The following SDK1 variants were observed in gnomAD, a reference collection of about 807,000 sequenced individuals.
SDK1 encodes the protein sidekick cell adhesion molecule 1, also known as protein sidekick-1.
Under a neutral mutation model 245.5 loss-of-function variants are expected in SDK1, and 157 were observed. The ratio of observed to expected loss-of-function variants is 0.64; its 90% CI spans 0.56 to 0.73. SDK1 has a LOEUF of 0.73. Among genes scored for constraint, SDK1 ranks in the 30% least tolerant of loss-of-function variants. The pLI is 0.00. For synonymous variants in SDK1, 1,647 were observed against 1,278.5 expected, an observed-to-expected ratio of 1.29 and a Z score of -6.15; for missense variants, 3,583 against 3,002.3, an observed-to-expected ratio of 1.19 and a Z score of -4.52.
intron 4 of SDK1, among the ~76,000 whole-genome samples, chr7:3,808,982 C>G (rs1436127306): frequency 6.6e-6 from 1 of 152,074 alleles, no homozygotes; most frequent in African/African-American, 2.4e-5. Flanking sequence ...CACTGAGGAT[C>G]CAGCATCACC....
At chr7:3,737,179 G>A (rs1390522019) in intron 4 of SDK1, among the ~76,000 whole-genome samples, 1 of 152,182 alleles carries the variant, frequency 6.6e-6, no homozygotes, top group Non-Finnish European at 1.5e-5. Context: ...AGTCGGGTGG[G>A]GGAACCCTGA....
chr7:3,713,598 G>A (rs969409290), intron 4 of SDK1, among the ~76,000 whole-genome samples: 14 of 152,158 alleles, frequency 9.2e-5, no homozygotes, highest in African/African-American at 3.4e-4. Context: ...GTACAGAAAA[G>A]AGGCTTTTCA....
At chr7:3,821,169 G>A (rs1779635896) in intron 4 of SDK1, among the ~76,000 whole-genome samples, 1 of 152,204 alleles carries the variant, frequency 6.6e-6, no homozygotes, top group African/African-American at 2.4e-5. Context: ...AACTCTGGAT[G>A]TCTATGTTCC....
rs78274855 is a variant in SDK1, at chr7:3,617,681, C to T, written c.299-1399C>T. On this transcript the variant is annotated intron_variant, in intron 1 of 44. Coordinates refer to ENST00000404826, the MANE Select transcript of SDK1 (RefSeq NM_152744.4). ...CAGAAGGTCAAGGGAGTGCATGAGA[C>T]AGAGGATGGGGGCCCAACTTACCCT... Among the ~76,000 whole-genome samples, 3,629 of 152,262 alleles carry T rather than the reference C, an allele frequency of 0.024. 377 individuals carry two copies. The East Asian group carries it at 0.29, about 12-fold the overall frequency.
rs188585020 is a variant in SDK1, at chr7:3,357,207, T to G, written c.298+55323T>G. Among the ~76,000 whole-genome samples the G allele has an allele frequency of 2.6e-3, 388 of 152,066 alleles. 1 individual carries two copies. The highest frequency in any genetic ancestry group is 4.5e-3 in the Non-Finnish European group (308 of 67,952). ...ATCATGTGTTTGTAAAGTCACATGA[T>G]TTAATCTTCTAGAGACTCTGGATGC... is the stretch of plus-strand genomic sequence containing the variant. On this transcript the variant is annotated intron_variant, in intron 1 of 44. Transcript: ENST00000404826.
intron 4 of SDK1, among the ~76,000 whole-genome samples, chr7:3,761,636 G>GGCAGAAAACATCTAGGATGCTGGAGC (rs1210129821): frequency 1.3e-5 from 2 of 151,310 alleles, no homozygotes; most frequent in Non-Finnish European, 2.9e-5. Flanking sequence ...AAGAAGCAAA[G>GGCAGAAAACATCTAGGATGCTGGAGC]GCAGAAAACA....
intron 5 of SDK1, among the ~76,000 whole-genome samples, chr7:3,894,901 C>A (rs1781561623): frequency 2.0e-5 from 3 of 151,908 alleles, no homozygotes; most frequent in African/African-American, 7.2e-5. Flanking sequence ...CCATGTCGGC[C>A]AACTCCTGAC....
chr7:3,656,829 G>T (rs922394804), intron 4 of SDK1, among the ~76,000 whole-genome samples: 2 of 150,938 alleles, frequency 1.3e-5, no homozygotes, highest in African/African-American at 4.9e-5. Flanking sequence ...CTCACTGCAA[G>T]CTCCGCCTCC....
chr7:4,066,451 C>T (rs542626672), intron 19 of SDK1, among the ~76,000 whole-genome samples: 12 of 152,302 alleles, frequency 7.9e-5, no homozygotes, highest in African/African-American at 2.9e-4. Flanking sequence ...TCCATTTGCT[C>T]GTAAGACGCC....
chr7:3,391,255 A>T (rs1176790576), intron 1 of SDK1, among the ~76,000 whole-genome samples: 2 of 152,078 alleles, frequency 1.3e-5, no homozygotes, highest in Non-Finnish European at 2.9e-5. Flanking sequence ...TAATAGATAG[A>T]CTCCATAGAA....
chr7:3,354,353 C>T (rs1325359741), intron 1 of SDK1, among the ~76,000 whole-genome samples: 1 of 151,920 alleles, frequency 6.6e-6, no homozygotes, highest in Non-Finnish European at 1.5e-5. Context: ...GGGATATAAA[C>T]CTATTAGAAA....
intron 1 of SDK1, among the ~76,000 whole-genome samples, chr7:3,508,494 ATTG>A (rs1489472598): frequency 6.6e-6 from 1 of 151,492 alleles, no homozygotes; most frequent in Non-Finnish European, 1.5e-5. Context: ...TGCCTGACTA[ATTG>A]TTGTATTTTT....
At chr7:3,979,877 T>G (rs997552584) in intron 13 of SDK1, among the ~76,000 whole-genome samples, 3 of 152,172 alleles carry the variant, frequency 2.0e-5, no homozygotes, top group African/African-American at 7.2e-5. Flanking sequence ...AATTAGCATT[T>G]CATCTCTCCT....
intron 1 of SDK1, among the ~76,000 whole-genome samples, chr7:3,584,042 G>A (rs1229501013): frequency 6.6e-6 from 1 of 152,146 alleles, no homozygotes; most frequent in Non-Finnish European, 1.5e-5. Context: ...AAGGTGCCAG[G>A]GAGAAGTGTT....
At chr7:3,832,110 A>G (rs1013256591) in intron 5 of SDK1, among the ~76,000 whole-genome samples, 6 of 152,344 alleles carry the variant, frequency 3.9e-5, no homozygotes, top group African/African-American at 1.2e-4. Flanking sequence ...TTAATAAACA[A>G]GAGGCCATAA....
intron 17 of SDK1, 63 bp from the exon 18 acceptor site, chr7:4,049,285 C>G (rs1789260569): frequency 1.6e-6 from 2 of 1,271,334 alleles, no homozygotes; most frequent in African/African-American, 1.5e-5. Context: ...TCCTTTCTGT[C>G]TCTCCACCCC....
Position 3,577,119 on chromosome 7 carries a change from C to T in SDK1, c.299-41961C>T, listed in dbSNP as rs910113067. Among the ~76,000 whole-genome samples the T allele has an allele frequency of 1.3e-5, 2 of 151,980 alleles. 1 individual carries two copies. Among genetic ancestry groups the T allele is most frequent in the Admixed American group, 1.3e-4 (2 of 15,266 alleles). On this transcript the variant is annotated intron_variant, in intron 1 of 44. Transcript: ENST00000404826. Reference sequence around the variant, plus strand: ...GCCTGGCCATACTGGAAGATTTCGCCTGCCTCTGGGCCCCATTCTAAATGA... The same window carrying T: ...GCCTGGCCATACTGGAAGATTTCGCTTGCCTCTGGGCCCCATTCTAAATGA...
intron 22 of SDK1, among the ~76,000 whole-genome samples, chr7:4,101,426 C>T (rs921413976): frequency 4.6e-5 from 7 of 152,284 alleles, no homozygotes; most frequent in Middle Eastern, 3.4e-3. Flanking sequence ...GGATTACAGG[C>T]GTGAGCCACC....
At chr7:3,552,939 A>G (rs1410409470) in intron 1 of SDK1, among the ~76,000 whole-genome samples, 1 of 152,220 alleles carries the variant, frequency 6.6e-6, no homozygotes, top group East Asian at 1.9e-4. Flanking sequence ...TGTCTTACAC[A>G]GTTATAAGTT....
Sources: allele counts gnomAD v4.1 joint callset (sites outside exome capture counted in the v4.1 genomes callset), GRCh38; gene constraint gnomAD v4.1.1; transcripts MANE v1.5; gene names NCBI Gene and HGNC (gene_info 2026-07-23, HGNC 2026-07-21).